The following SMAP1 variants were observed in gnomAD, a reference collection of about 807,000 sequenced individuals.
SMAP1 encodes stromal membrane-associated protein 1.
In SMAP1, 24 loss-of-function variants were observed where a neutral mutation model predicts 58.5. The ratio of observed to expected loss-of-function variants is 0.41; its 90% CI spans 0.30 to 0.58. The LOEUF (loss-of-function observed/expected upper bound fraction) is 0.58, where lower values mean the gene tolerates loss of function less well. SMAP1 is among the 20% of genes least tolerant of loss of function. The pLI is 0.29. For missense variants in SMAP1, 563 were observed against 566.3 expected (o/e 0.99, Z 0.06); for synonymous variants, 216 against 196.6 (o/e 1.10, Z -0.82).
intron 1 of SMAP1, among the ~76,000 whole-genome samples, chr6:70,721,732 A>G (rs561012096): frequency 2.6e-5 from 4 of 152,346 alleles, no homozygotes; most frequent in African/African-American, 9.6e-5. Flanking sequence ...CCTCAGAATC[A>G]CGGAATCATG....
chr6:70,769,167 C>G (rs936503598), intron 3 of SMAP1, among the ~76,000 whole-genome samples: 10 of 152,080 alleles, frequency 6.6e-5, no homozygotes, highest in African/African-American at 2.4e-4. Context: ...AGCTTTACTT[C>G]CAACTATGTG....
chr6:70,733,332 C>T (rs1172709543), intron 2 of SMAP1, among the ~76,000 whole-genome samples: 2 of 152,130 alleles, frequency 1.3e-5, no homozygotes, highest in Non-Finnish European at 2.9e-5. Context: ...TAAAGTCAAG[C>T]ATAATTTATT....
chr6:70,803,129 C>T (rs1158153425), intron 6 of SMAP1, among the ~76,000 whole-genome samples: 4 of 152,174 alleles, frequency 2.6e-5, no homozygotes, highest in Middle Eastern at 3.2e-3. Context: ...GTGAGTCTGT[C>T]TGGTCCTGGA....
chr6:70,789,910 A>G (rs1475854964), intron 4 of SMAP1, among the ~76,000 whole-genome samples: 1 of 152,116 alleles, frequency 6.6e-6, no homozygotes, highest in Non-Finnish European at 1.5e-5. Context: ...GGAATTTTAT[A>G]TTCCTGCTAC....
At chr6:70,676,801 G>A (rs896809066) in intron 1 of SMAP1, among the ~76,000 whole-genome samples, 1 of 152,034 alleles carries the variant, frequency 6.6e-6, no homozygotes. Context: ...CCTTGTTATA[G>A]AGACAGGGTC....
intron 1 of SMAP1, among the ~76,000 whole-genome samples, chr6:70,680,712 G>GTTTTTTTTTTT (rs34867967): frequency 6.3e-5 from 5 of 78,998 alleles, no homozygotes; most frequent in Admixed American, 3.9e-4. Context: ...TGGATTTCCT[G>GTTTTTTTTTTT]TTTTTTTTTT....
Position 70,856,977 on chromosome 6 carries a change from A to C in SMAP1, c.908A>C (p.Asp303Ala). ...GTGGCAAAGAAACAACTTTCCAAAGACTCCATCTTATCTCTGTATGGCACA... is the reference window on the plus strand; with the variant it reads ...GTGGCAAAGAAACAACTTTCCAAAGCCTCCATCTTATCTCTGTATGGCACA... ...EEVAKKQLSK[D>A]SILSLYGTGT... is the part of the protein sequence containing the mutation. The change falls in exon 9 of 11, where the codon GAC (aspartate) becomes GCC (alanine). Residue 303 changes from aspartate to alanine, a missense_variant. Physicochemically the swap from Asp to Ala is moderately radical, Grantham distance 126 (BLOSUM62 -2). Coordinates refer to ENST00000370455, the MANE Select transcript of SMAP1 (RefSeq NM_001044305.3). 1 of 1,613,868 alleles carries C rather than the reference A, an allele frequency of 6.2e-7. No individual in the cohort carries two copies. Among genetic ancestry groups the C allele is most frequent in the Non-Finnish European group, 8.5e-7 (1 of 1,179,868 alleles).
At chr6:70,782,223 G>C (rs889621851) in intron 4 of SMAP1, among the ~76,000 whole-genome samples, 6 of 152,188 alleles carry the variant, frequency 3.9e-5, no homozygotes, top group Non-Finnish European at 7.4e-5. Flanking sequence ...TTCTAAATTT[G>C]AAAGTAAATA....
intron 7 of SMAP1, among the ~76,000 whole-genome samples, chr6:70,840,044 G>A (rs992478395): frequency 3.3e-5 from 5 of 152,126 alleles, no homozygotes; most frequent in East Asian, 1.9e-4. Context: ...GAAACACAGC[G>A]GGGATTGGGG....
intron 1 of SMAP1, chr6:70,668,555 G>T (rs1766132494): frequency 2.0e-6 from 3 of 1,532,772 alleles, no homozygotes; most frequent in Non-Finnish European, 2.6e-6. Flanking sequence ...GCCGCGCTTA[G>T]GTCTGGATCC....
At chr6:70,719,075 A>T (rs1054924112) in intron 1 of SMAP1, among the ~76,000 whole-genome samples, 3 of 152,178 alleles carry the variant, frequency 2.0e-5, no homozygotes, top group Non-Finnish European at 4.4e-5. Context: ...TAAAGGTTTG[A>T]TATCTTATGG....
intron 1 of SMAP1, among the ~76,000 whole-genome samples, chr6:70,700,805 G>A (rs989237674): frequency 6.6e-6 from 1 of 152,214 alleles, no homozygotes; most frequent in Admixed American, 6.5e-5. Context: ...AGTATTACCT[G>A]CTGGTGTTTG....
chr6:70,856,605 G>T, intron 8 of SMAP1: 1 of 291,362 alleles, frequency 3.4e-6, no homozygotes. Flanking sequence ...GTCACCTTAG[G>T]TAGTAAATGC....
chr6:70,707,885 A>G (rs1345175077), intron 1 of SMAP1, among the ~76,000 whole-genome samples: 1 of 152,216 alleles, frequency 6.6e-6, no homozygotes, highest in Non-Finnish European at 1.5e-5. Context: ...TTTGATACAC[A>G]TATATAGTGA....
intron 6 of SMAP1, among the ~76,000 whole-genome samples, chr6:70,801,996 G>A (rs778803162): frequency 1.3e-5 from 2 of 152,116 alleles, no homozygotes; most frequent in Non-Finnish European, 1.5e-5. Flanking sequence ...TTGGCAATGC[G>A]GGCTCTTTTT....
chr6:70,834,061 T>C (rs552602558), intron 6 of SMAP1, among the ~76,000 whole-genome samples: 10 of 152,322 alleles, frequency 6.6e-5, no homozygotes, highest in African/African-American at 2.4e-4. Flanking sequence ...ATTTTCCAAA[T>C]TGTTTGCAGT....
chr6:70,855,849 A>T (rs1021275733), intron 8 of SMAP1, among the ~76,000 whole-genome samples: 42 of 152,328 alleles, frequency 2.8e-4, no homozygotes, highest in African/African-American at 9.4e-4. Context: ...ATTCCATGAT[A>T]TCTAATTTCT....
intron 1 of SMAP1, among the ~76,000 whole-genome samples, chr6:70,730,344 C>G (rs1382393720): frequency 6.6e-6 from 1 of 152,226 alleles, no homozygotes; most frequent in Non-Finnish European, 1.5e-5. Flanking sequence ...GTGTGAGCCA[C>G]TGTTTCTGGC....
chr6:70,699,937 T>C (rs761730999), intron 1 of SMAP1, among the ~76,000 whole-genome samples: 26 of 151,726 alleles, frequency 1.7e-4, no homozygotes, highest in Non-Finnish European at 4.4e-5. Context: ...AAAGTCCCCG[T>C]TATTCTTCCC....
Sources: allele counts gnomAD v4.1 joint callset (sites outside exome capture counted in the v4.1 genomes callset), GRCh38; gene constraint gnomAD v4.1.1; transcripts MANE v1.5; gene names NCBI Gene and HGNC (gene_info 2026-07-23, HGNC 2026-07-21).